The following PARD3B variants were observed in gnomAD, a reference collection of about 807,000 sequenced individuals.
PARD3B encodes the protein partitioning defective 3 homolog B.
Under a neutral mutation model 130.2 loss-of-function variants are expected in PARD3B, and 103 were observed. That is an observed-to-expected ratio of 0.79 (90% CI 0.67 to 0.93). The LOEUF (loss-of-function observed/expected upper bound fraction) is 0.93, where lower values mean the gene tolerates loss of function less well. PARD3B is among the 40% of genes least tolerant of loss of function. The probability of loss-of-function intolerance (pLI) is 0.00; values close to 1 mark genes in which losing one functional copy is unlikely to be tolerated. For synonymous variants in PARD3B, 583 were observed against 553.2 expected (o/e 1.05, Z -0.76); for missense variants, 1,609 against 1,499.2 (o/e 1.07, Z -1.21).
At chr2:205,396,344 C>T (rs956472204) in intron 18 of PARD3B, among the ~76,000 whole-genome samples, 7 of 152,094 alleles carry the variant, frequency 4.6e-5, no homozygotes, top group African/African-American at 1.7e-4. Context: ...GTTTTGTATG[C>T]CAACATAATA....
chr2:205,101,193 T>C (rs1702762313), intron 4 of PARD3B, among the ~76,000 whole-genome samples: 2 of 151,976 alleles, frequency 1.3e-5, no homozygotes, highest in Non-Finnish European at 2.9e-5. Context: ...GGGCCAATAA[T>C]CACAGGGAAA....
At chr2:205,612,437 C>T (rs544732627) in intron 22 of PARD3B, among the ~76,000 whole-genome samples, 14 of 152,190 alleles carry the variant, frequency 9.2e-5, no homozygotes, top group East Asian at 1.9e-4. Context: ...CCACCGCCCC[C>T]GGCCAAAATT....
At chr2:205,556,848 C>T (rs541043736) in intron 22 of PARD3B, among the ~76,000 whole-genome samples, 10 of 152,262 alleles carry the variant, frequency 6.6e-5, no homozygotes, top group African/African-American at 2.4e-4. Context: ...CTATGATGTG[C>T]GAACATCAAC....
chr2:204,912,713 A>G (rs971742019), intron 2 of PARD3B, among the ~76,000 whole-genome samples: 4 of 152,184 alleles, frequency 2.6e-5, no homozygotes, highest in Non-Finnish European at 5.9e-5. Context: ...ATAAATTTTG[A>G]AAGTTTCATT....
chr2:205,437,966 C>CA (rs374432284), intron 19 of PARD3B, among the ~76,000 whole-genome samples: 24 of 148,876 alleles, frequency 1.6e-4, no homozygotes, highest in South Asian at 1.3e-3. Context: ...TCAAAGCTAC[C>CA]AAAAAAAAAA....
intron 18 of PARD3B, among the ~76,000 whole-genome samples, chr2:205,327,677 G>A (rs1317456238): frequency 6.6e-6 from 1 of 152,144 alleles, no homozygotes; most frequent in Admixed American, 6.5e-5. Context: ...GTAACTTTAA[G>A]CTACTCAACT....
chr2:205,413,243 G>C (rs924679396), intron 19 of PARD3B, among the ~76,000 whole-genome samples: 5 of 152,144 alleles, frequency 3.3e-5, no homozygotes, highest in African/African-American at 9.7e-5. Context: ...ACCTAGAACT[G>C]TGCTTGGCAC....
In PARD3B at chr2:204,967,037, C is replaced by T. The variant is rs1055387610; in HGVS notation, c.394+1714C>T. On this transcript the variant is annotated intron_variant, in intron 3 of 22. Transcript: ENST00000406610. This position sits in a 1 kb window ranked among gnomAD's most constrained non-coding sequence, Gnocchi z 4.4. Reference sequence around the variant, plus strand: ...TGTTGCTGGCTGTGGTGTGAGAAACCATTTTGCTGTGCTGCCTCTGACATG... The same window carrying T: ...TGTTGCTGGCTGTGGTGTGAGAAACTATTTTGCTGTGCTGCCTCTGACATG... Among the ~76,000 whole-genome samples the T allele has an allele frequency of 6.6e-6, 1 of 152,170 alleles. No homozygotes were observed. Among genetic ancestry groups the T allele is most frequent in the Non-Finnish European group, 1.5e-5 (1 of 68,028 alleles).
At chr2:205,196,114 C>T (rs888018574) in intron 15 of PARD3B, among the ~76,000 whole-genome samples, 2 of 152,234 alleles carry the variant, frequency 1.3e-5, no homozygotes, top group South Asian at 4.2e-4. Flanking sequence ...TCCTTATTCC[C>T]ATCCCTTTTA....
intron 19 of PARD3B, among the ~76,000 whole-genome samples, chr2:205,429,258 A>G (rs895919076): frequency 6.6e-6 from 1 of 152,200 alleles, no homozygotes; most frequent in African/African-American, 2.4e-5. Context: ...GTTTGTCACC[A>G]TTGGAACTAT....
intron 2 of PARD3B, among the ~76,000 whole-genome samples, chr2:204,895,049 G>C (rs1406542801): frequency 5.0e-5 from 6 of 119,960 alleles, no homozygotes; most frequent in African/African-American, 1.4e-4. Context: ...TAAGGAGAAA[G>C]ACCTACCAAA....
intron 1 of PARD3B, among the ~76,000 whole-genome samples, chr2:204,619,140 G>C (rs2034210001): frequency 6.6e-6 from 1 of 152,104 alleles, no homozygotes; most frequent in Non-Finnish European, 1.5e-5. Flanking sequence ...TAGAGGGCTG[G>C]ATATTGGGTT....
intron 13 of PARD3B, among the ~76,000 whole-genome samples, chr2:205,184,765 T>TAC (rs1266410111): frequency 9.3e-5 from 14 of 151,050 alleles, no homozygotes; most frequent in African/African-American, 1.5e-4. Context: ...ATAATAAATA[T>TAC]ATACACACAC....
At chr2:205,195,264 G>A (rs760361086) in intron 15 of PARD3B, among the ~76,000 whole-genome samples, 2 of 152,064 alleles carry the variant, frequency 1.3e-5, no homozygotes, top group Admixed American at 6.6e-5. Flanking sequence ...TTACAAAATT[G>A]GTCAGGTTAC....
At chr2:205,412,925 A>G (rs910123918) in intron 19 of PARD3B, among the ~76,000 whole-genome samples, 3 of 152,222 alleles carry the variant, frequency 2.0e-5, no homozygotes, top group East Asian at 1.9e-4. Flanking sequence ...CAAAATGGGT[A>G]TATAACATCA....
intron 2 of PARD3B, among the ~76,000 whole-genome samples, chr2:204,830,143 G>A (rs1244491060): frequency 1.3e-5 from 2 of 151,860 alleles, no homozygotes. Flanking sequence ...CATGCCTGCT[G>A]TGTAGCCTGT....
rs943969261 is a variant in PARD3B at position 205,589,762 on chromosome 2, G to C, written c.3261-25694G>C. ...CATAATTGCATATGTAGTTACTAAA[G>C]TTAGTTATAGGCACAGATATCTGAG... On this transcript the variant is annotated intron_variant, in intron 22 of 22. Coordinates refer to ENST00000406610, the MANE Select transcript of PARD3B (RefSeq NM_001302769.2). This position sits in a 1 kb window ranked among gnomAD's most constrained non-coding sequence, Gnocchi z 4.1. Among the ~76,000 whole-genome samples, 3 of 152,126 alleles carry C rather than the reference G, an allele frequency of 2.0e-5. No homozygotes were observed. Among genetic ancestry groups the C allele is most frequent in the Non-Finnish European group, 4.4e-5 (3 of 68,038 alleles).
chr2:204,818,839 T>C (rs2043233552), intron 2 of PARD3B, among the ~76,000 whole-genome samples: 1 of 152,218 alleles, frequency 6.6e-6, no homozygotes, highest in Non-Finnish European at 1.5e-5. Flanking sequence ...AACGTATGTA[T>C]TATAGGTGTG....
intron 16 of PARD3B, among the ~76,000 whole-genome samples, chr2:205,271,235 C>T (rs2040713194): frequency 6.6e-6 from 1 of 152,144 alleles, no homozygotes; most frequent in African/African-American, 2.4e-5. Context: ...GTGCTTTCTG[C>T]AAAGTGTTTT....
Sources: gnomAD v4.1 joint callset for allele counts (sites outside exome capture counted in the v4.1 genomes callset) on GRCh38, gnomAD v4.1.1 for gene constraint, Gnocchi (gnomAD v3.1) non-coding constraint, MANE v1.5 for transcripts, NCBI Gene and HGNC (gene_info 2026-07-23, HGNC 2026-07-21) for gene names.